The following PPM1N variants were observed in gnomAD, a reference collection of about 807,000 sequenced individuals.
PPM1N encodes protein phosphatase, Mg2+/Mn2+ dependent 1N (putative).
A neutral mutation model predicts 32.6 loss-of-function variants in PPM1N; 35 were observed. The ratio of observed to expected loss-of-function variants is 1.07; its 90% CI spans 0.82 to 1.43. The LOEUF (loss-of-function observed/expected upper bound fraction) is 1.43, where lower values mean the gene tolerates loss of function less well. Ranked by LOEUF, PPM1N falls within the 40% of genes most tolerant of loss-of-function variation. The pLI is 0.00. For missense variants in PPM1N, 648 were observed against 606.6 expected, an observed-to-expected ratio of 1.07 and a Z score of -0.72; for synonymous variants, 275 against 270.5, an observed-to-expected ratio of 1.02 and a Z score of -0.16.
chr19:45,502,077 G>A lies in PPM1N; in HGVS notation c.1285G>A (p.Glu429Lys), dbSNP rs1968422579. Residue 429 changes from glutamate (E) to lysine (K), a missense_variant, in exon 5 of 5, where the codon GAG (glutamate) becomes AAG (lysine). Coordinates refer to ENST00000451287, the MANE Select transcript of PPM1N (RefSeq NM_001080401.2). ...GCATTTGGGCTCAGCCTTGGACATG[G>A]AGGCCTGACAGCTGTTGTCCTTTGG... ...PTHLGSALDM[E>K]A 6.3e-7 allele frequency: 1 copy of A among 1,581,244 alleles called. No homozygotes were observed. The highest frequency in any genetic ancestry group is 8.6e-7 in the Non-Finnish European group (1 of 1,167,604).
chr19:45,498,747 T>C lies in PPM1N; in HGVS notation c.275T>C (p.Leu92Pro). The C allele has an allele frequency of 6.4e-7, 1 of 1,556,632 alleles. No individual in the cohort carries two copies. Among genetic ancestry groups the C allele is most frequent in the South Asian group, 1.2e-5 (1 of 83,462 alleles). Residue 92 changes from leucine (L) to proline (P), a missense_variant, in exon 1 of 5, where the codon CTG becomes CCG. Transcript: ENST00000451287. ...AHCTWLSLPG[L>P]PPGWALFAVL... Reference sequence around the variant, plus strand: ...TGCACTTGGCTTTCGTTACCTGGTCTGCCCCCGGGCTGGGCCTTGTTTGCC... The same window carrying C: ...TGCACTTGGCTTTCGTTACCTGGTCCGCCCCCGGGCTGGGCCTTGTTTGCC...
At chr19:45,500,733 T>G in intron 4 of PPM1N, 23 bp downstream of exon 4, 1 of 1,576,328 alleles carries the variant, frequency 6.3e-7, no homozygotes, top group Non-Finnish European at 8.6e-7. Context: ...TGTTCTCCAG[T>G]GTTTCTCTTA....
At position 45,499,151 on chromosome 19, in the gene PPM1N, C is replaced by A. The variant is rs769938620; in HGVS notation, c.679C>A (p.Leu227Met). The part of the protein sequence containing the change: ...TIRRRRVEGS[L>M]AVSRALGDFT... ...CCGCCGCCGCCGCGTCGAGGGCTCT[C>A]TGGCCGTGTCGCGAGCGTTGGGCGA... Residue 227 changes from leucine to methionine, a missense_variant, in exon 1 of 5, where the codon CTG becomes ATG. Leu to Met is a conservative substitution (Grantham distance 15). Transcript: ENST00000451287. 1 of 1,526,956 alleles carries A rather than the reference C, an allele frequency of 6.5e-7. No homozygotes were observed. The highest frequency in any genetic ancestry group is 8.7e-7 in the Non-Finnish European group (1 of 1,145,962). The allele number at this position is 1,526,956 out of a possible 1,614,324, so 94.6% of individuals were successfully genotyped here. A position where few individuals can be genotyped will look rare whatever the true frequency, so the allele number is the denominator to read the frequency against.
chr19:45,498,975 TG>T lies in PPM1N; in HGVS notation c.504del (p.Leu168PhefsTer20), dbSNP rs1462729619. The stretch of plus-strand genomic sequence containing the variant: ...ACGGGCGGCTGCACGGCCGTGGTGT[TG>T]CTGGTCTCCCCGCGGTTTCTGTACC... The part of the protein sequence containing the change: ...VETGGCTAVV[L>X]LVSPRFLYLA... On this transcript the variant is annotated frameshift_variant, in exon 1 of 5. Transcript: ENST00000451287. LOFTEE classifies it high-confidence loss of function. 6.4e-7 allele frequency: 1 copy of T among 1,562,444 alleles called. No individual in the cohort carries two copies. Among genetic ancestry groups the T allele is most frequent in the Non-Finnish European group, 8.6e-7 (1 of 1,163,420 alleles).
chr19:45,499,362 T>C lies in PPM1N; in HGVS notation c.890T>C (p.Leu297Pro). The change falls in exon 1 of 5, where the codon CTG becomes CCG. Residue 297 changes from leucine to proline, a missense_variant. Leu to Pro is a moderately conservative substitution (Grantham distance 98). Coordinates refer to ENST00000451287, the MANE Select transcript of PPM1N (RefSeq NM_001080401.2). ...GLVASRLRLG[L>P]APELLCAQLL... The stretch of plus-strand genomic sequence containing the variant: ...GTGGCTTCACGCCTCCGCTTGGGCC[T>C]GGCCCCAGAGCTTCTCTGCGCGCAG... 1 of 1,610,920 alleles carries C rather than the reference T, an allele frequency of 6.2e-7. No individual in the cohort carries two copies. Among genetic ancestry groups the C allele is most frequent in the South Asian group, 1.1e-5 (1 of 90,776 alleles).
chr19:45,499,066 G>A lies in PPM1N; in HGVS notation c.594G>A (p.Glu198=), dbSNP rs1199662622. The change falls in exon 1 of 5, where the codon GAG becomes GAA. Residue 198 remains glutamate (E), a synonymous_variant. Coordinates refer to ENST00000451287, the MANE Select transcript of PPM1N (RefSeq NM_001080401.2). ...CTGGCGCCGTGGCCTTCAGCACAGA[G>A]GACCACCGGCCCCTTCGACCCCGGG... ...SRAGAVAFST[E]DHRPLRPRER... 4 of 1,526,288 alleles carry A rather than the reference G, an allele frequency of 2.6e-6. No homozygotes were observed. The highest frequency in any genetic ancestry group is 4.6e-5 in the East Asian group (2 of 43,288). The allele number at this position is 1,526,288 out of a possible 1,614,324, so 94.5% of individuals were successfully genotyped here. A position where few individuals can be genotyped will look rare whatever the true frequency, so the allele number is the denominator to read the frequency against.
At chr19:45,501,032 T>C (rs2084139668) in intron 4 of PPM1N, among the ~76,000 whole-genome samples, 1 of 151,986 alleles carries the variant, frequency 6.6e-6, no homozygotes, top group Non-Finnish European at 1.5e-5. Flanking sequence ...GCTATATTAA[T>C]ACATTCCTAC....
Position 45,499,102 on chromosome 19 carries a change from C to T in PPM1N, c.630C>T (p.Arg210=). 6.6e-7 allele frequency: 1 copy of T among 1,517,560 alleles called. No individual in the cohort carries two copies. The highest frequency in any genetic ancestry group is 8.7e-7 in the Non-Finnish European group (1 of 1,142,948). The allele number at this position is 1,517,560 out of a possible 1,614,324, so 94.0% of individuals were successfully genotyped here. A position where few individuals can be genotyped will look rare whatever the true frequency, so the allele number is the denominator to read the frequency against. ...HRPLRPRERE[R]IHAAGGTIRR... ...CCCTTCGACCCCGGGAACGCGAGCG[C>T]ATCCACGCCGCTGGCGGCACCATCC... Residue 210 remains arginine, a synonymous_variant, in exon 1 of 5, where the codon CGC becomes CGT. Transcript: ENST00000451287.
intron 1 of PPM1N, 177 bp from the exon 2 acceptor site, chr19:45,499,772 T>A: frequency 6.6e-7 from 1 of 1,506,014 alleles, no homozygotes; most frequent in Non-Finnish European, 8.9e-7. Context: ...CATTGTTCTC[T>A]CAATTGGGAG....
At position 45,502,256 on chromosome 19, in the gene PPM1N, C is replaced by T; in HGVS notation, c.*171C>T. 2 of 336,228 alleles carry T rather than the reference C, an allele frequency of 5.9e-6. No homozygotes were observed. The highest frequency in any genetic ancestry group is 2.5e-5 in the South Asian group (1 of 40,314). The allele number at this position is 336,228 out of a possible 1,614,324, so 20.8% of individuals were successfully genotyped here. On this transcript the variant is annotated 3_prime_UTR_variant, in exon 5 of 5. Transcript: ENST00000451287. ...ACTTCCCTCTCACAGAAAAGTCTTA[C>T]GAATGGGGAAATTCCACCAACATCC...
At position 45,502,469 on chromosome 19, in the gene PPM1N, T is replaced by G. The variant is rs563816902; in HGVS notation, c.*384T>G. On this transcript the variant is annotated 3_prime_UTR_variant, in exon 5 of 5. Coordinates refer to ENST00000451287, the MANE Select transcript of PPM1N (RefSeq NM_001080401.2). ...GAAGTAGAGTTTTGATTATTAAACT[T>G]TATTTACATAAGTGATTCCAAATAC... The G allele has an allele frequency of 4.7e-6, 2 of 425,680 alleles. No individual in the cohort carries two copies. Among genetic ancestry groups the G allele is most frequent in the Non-Finnish European group, 8.2e-6 (2 of 244,522 alleles). 26.4% of individuals were successfully genotyped at this position (425,680 alleles called of 1,614,324 possible).
In PPM1N at chr19:45,499,302, G is replaced by C. The variant is rs1352750949; in HGVS notation, c.830G>C (p.Trp277Ser). 6.2e-7 allele frequency: 1 copy of C among 1,613,144 alleles called. No individual in the cohort carries two copies. Among genetic ancestry groups the C allele is most frequent in the Admixed American group, 1.7e-5 (1 of 60,016 alleles). ...EFMLLASDGV[W>S]DTVSGAALAG... The stretch of plus-strand genomic sequence containing the variant: ...ATGCTCCTGGCCTCTGATGGCGTCT[G>C]GGACACTGTGTCTGGTGCTGCCCTG... Residue 277 changes from tryptophan to serine, a missense_variant, in exon 1 of 5, where the codon TGG (tryptophan) becomes TCG (serine). Coordinates refer to ENST00000451287, the MANE Select transcript of PPM1N (RefSeq NM_001080401.2).
At chr19:45,500,414 C>A (rs1433655613) in intron 2 of PPM1N, 42 bp from the exon 3 acceptor site, 13 of 1,529,130 alleles carry the variant, frequency 8.5e-6, no homozygotes, top group Non-Finnish European at 1.2e-5. Flanking sequence ...GGATTACAGG[C>A]GTGCGCCACT....
In PPM1N at chr19:45,502,481, G is replaced by A. The variant is rs1475810185; in HGVS notation, c.*396G>A. ...TGATTATTAAACTTTATTTACATAA[G>A]TGATTCCAAATACATTTTCTTGTAA... On this transcript the variant is annotated 3_prime_UTR_variant, in exon 5 of 5. Coordinates refer to ENST00000451287, the MANE Select transcript of PPM1N (RefSeq NM_001080401.2). The A allele has an allele frequency of 1.0e-5, 4 of 395,126 alleles. No homozygotes were observed. 24.5% of individuals were successfully genotyped at this position (395,126 alleles called of 1,614,324 possible).
At chr19:45,499,884 G>T in intron 1 of PPM1N, 65 bp from the exon 2 acceptor site, 4 of 1,533,478 alleles carry the variant, frequency 2.6e-6, no homozygotes, top group Non-Finnish European at 3.5e-6. Context: ...TTGAACCTGG[G>T]GATTGTTGGG....
At chr19:45,501,437 A>C (rs964493294) in intron 4 of PPM1N, among the ~76,000 whole-genome samples, 22 of 152,056 alleles carry the variant, frequency 1.4e-4, no homozygotes, top group Admixed American at 4.6e-4. Flanking sequence ...CAGAGGTGGG[A>C]GTTTGGTGAT....
chr19:45,499,097 G>T lies in PPM1N; in HGVS notation c.625G>T (p.Glu209Ter), dbSNP rs367762624. The change falls in exon 1 of 5, where the codon GAG becomes TAG. Residue 209 changes from glutamate to a stop codon, truncating the protein, a stop_gained. Coordinates refer to ENST00000451287, the MANE Select transcript of PPM1N (RefSeq NM_001080401.2). LOFTEE classifies it high-confidence loss of function. ...DHRPLRPRER[E>*]RIHAAGGTIR... is the part of the protein sequence containing the mutation. The stretch of plus-strand genomic sequence containing the variant: ...CCGGCCCCTTCGACCCCGGGAACGC[G>T]AGCGCATCCACGCCGCTGGCGGCAC... 4 of 1,515,012 alleles carry T rather than the reference G, an allele frequency of 2.6e-6. No individual in the cohort carries two copies. Among genetic ancestry groups the T allele is most frequent in the African/African-American group, 2.8e-5 (2 of 71,602 alleles). The allele number at this position is 1,515,012 out of a possible 1,614,324, so 93.8% of individuals were successfully genotyped here. A position where few individuals can be genotyped will look rare whatever the true frequency, so the allele number is the denominator to read the frequency against.
intron 1 of PPM1N, chr19:45,499,742 G>C (rs112186390): frequency 6.5e-7 from 1 of 1,530,528 alleles, no homozygotes; most frequent in African/African-American, 1.4e-5. Flanking sequence ...ATCAGAGCGG[G>C]CGGAGCTTTA....
Position 45,499,943 on chromosome 19 carries a change from C to T in PPM1N, c.940-6C>T. 1 of 1,570,946 alleles carries T rather than the reference C, an allele frequency of 6.4e-7. No homozygotes were observed. Among genetic ancestry groups the T allele is most frequent in the Non-Finnish European group, 8.6e-7 (1 of 1,156,980 alleles). The stretch of plus-strand genomic sequence containing the variant: ...CACCGGGCTCCTTTTTCTCCACCGG[C>T]TTCAGGGCAGCCTGGACAACATGAC... On this transcript the variant is annotated splice_region_variant and splice_polypyrimidine_tract_variant and intron_variant, in intron 1 of 4. Transcript: ENST00000451287.
Sources: gnomAD v4.1 joint callset for allele counts (sites outside exome capture counted in the v4.1 genomes callset) on GRCh38, gnomAD v4.1.1 for gene constraint, MANE v1.5 for transcripts, NCBI Gene and HGNC (gene_info 2026-07-23, HGNC 2026-07-21) for gene names.